LRBA: variants seen among roughly 807,000 people sequenced by gnomAD.
The protein encoded by LRBA is lipopolysaccharide-responsive and beige-like anchor protein.
LRBA carries 176 observed loss-of-function variants against 330.0 expected under a neutral mutation model. The observed-to-expected ratio is 0.53, with a 90% CI of 0.47 to 0.60. The LOEUF is 0.60. Among genes scored for constraint, LRBA ranks in the 20% least tolerant of loss-of-function variants. LRBA has a pLI of 0.00. For synonymous variants in LRBA, 1,230 were observed against 1,193.0 expected (o/e 1.03, Z -0.64); for missense variants, 3,259 against 3,444.8 (o/e 0.95, Z 1.35).
At chr4:150,946,405 G>A (rs529415366) in intron 2 of LRBA, among the ~76,000 whole-genome samples, 1 of 152,176 alleles carries the variant, frequency 6.6e-6, no homozygotes, top group East Asian at 1.9e-4. Flanking sequence ...GATATTGAAA[G>A]TATATGGAGT....
intron 36 of LRBA, among the ~76,000 whole-genome samples, chr4:150,690,483 T>C (rs542983888): frequency 5.1e-4 from 68 of 132,634 alleles, no homozygotes; most frequent in African/African-American, 1.7e-3. Context: ...AGCCTGGCAA[T>C]AGAGCAAGAC....
At chr4:150,666,174 T>A (rs1781538817) in intron 37 of LRBA, among the ~76,000 whole-genome samples, 1 of 152,172 alleles carries the variant, frequency 6.6e-6, no homozygotes, top group African/African-American at 2.4e-5. Context: ...AGGTTCTGCA[T>A]CTGCAGATTC....
intron 36 of LRBA, among the ~76,000 whole-genome samples, chr4:150,716,894 T>C (rs912047058): frequency 2.6e-5 from 4 of 152,334 alleles, no homozygotes; most frequent in Admixed American, 2.0e-4. Flanking sequence ...AAACCTGGGT[T>C]CTAATTCAGA....
chr4:150,962,857 G>A (rs531616280), intron 2 of LRBA, among the ~76,000 whole-genome samples: 1 of 147,536 alleles, frequency 6.8e-6, no homozygotes, highest in Non-Finnish European at 1.5e-5. Context: ...GGGAGGCTGA[G>A]GCAGAAGAAT....
chr4:150,384,149 C>T (rs1215262018), intron 47 of LRBA, among the ~76,000 whole-genome samples: 1 of 152,050 alleles, frequency 6.6e-6, no homozygotes, highest in Non-Finnish European at 1.5e-5. Flanking sequence ...AGCGATTCTC[C>T]TGCCTCAGTC....
intron 40 of LRBA, among the ~76,000 whole-genome samples, chr4:150,543,028 C>T (rs932994546): frequency 1.3e-5 from 2 of 152,078 alleles, no homozygotes; most frequent in Non-Finnish European, 2.9e-5. Flanking sequence ...CAAAATTCAC[C>T]AGTCCCCCAC....
intron 37 of LRBA, among the ~76,000 whole-genome samples, chr4:150,602,564 G>A (rs951026906): frequency 6.6e-6 from 1 of 151,860 alleles, no homozygotes; most frequent in Admixed American, 6.6e-5. Flanking sequence ...TCAGTATAAC[G>A]CTCTACCACA....
At chr4:151,004,764 T>C (rs924154841) in intron 2 of LRBA, among the ~76,000 whole-genome samples, 1 of 151,740 alleles carries the variant, frequency 6.6e-6, no homozygotes, top group Non-Finnish European at 1.5e-5. Flanking sequence ...GGCAGGTGGA[T>C]TGCCTGAGCT....
intron 37 of LRBA, among the ~76,000 whole-genome samples, chr4:150,628,018 T>C (rs914511345): frequency 6.6e-6 from 1 of 152,144 alleles, no homozygotes; most frequent in Admixed American, 6.5e-5. Context: ...TTTTTCGCCA[T>C]GTTAAGCTTT....
intron 2 of LRBA, among the ~76,000 whole-genome samples, chr4:151,010,926 G>A (rs1011571586): frequency 6.8e-5 from 10 of 147,584 alleles, no homozygotes; most frequent in South Asian, 2.2e-4. Context: ...AGTGGTTCAC[G>A]CCTGTAATCC....
intron 37 of LRBA, among the ~76,000 whole-genome samples, chr4:150,617,206 A>G (rs527420883): frequency 1.5e-4 from 23 of 152,368 alleles, no homozygotes; most frequent in African/African-American, 5.3e-4. Context: ...TGTTAATTTC[A>G]AGAACTAAAA....
chr4:150,644,100 C>T (rs116771961), intron 37 of LRBA, among the ~76,000 whole-genome samples: 2,089 of 151,854 alleles, frequency 0.014, 16 homozygotes, highest in Non-Finnish European at 0.023. Context: ...AAAAGAGAAA[C>T]GTAGACTTTA....
intron 34 of LRBA, among the ~76,000 whole-genome samples, chr4:150,778,988 C>T (rs138032234): frequency 0.014 from 2,168 of 152,264 alleles, 55 homozygotes; most frequent in African/African-American, 0.048. Flanking sequence ...ATGTTCTCAA[C>T]TATAATAAAA....
At chr4:150,266,540 A>G (rs187802231) in intron 56 of LRBA, among the ~76,000 whole-genome samples, 18 of 152,352 alleles carry the variant, frequency 1.2e-4, no homozygotes, top group African/African-American at 4.1e-4. Flanking sequence ...GGTTAGGACC[A>G]GCCCTTAGAA....
rs146096393 is a variant in LRBA, at chr4:150,934,490, G to A, written c.217-5425C>T. Reference sequence around the variant, plus strand: ...GTATGCCAGGCCCTGAGGAAATAGTGGAACAGTGATCAATAAGACAGAAAT... The same window carrying A: ...GTATGCCAGGCCCTGAGGAAATAGTAGAACAGTGATCAATAAGACAGAAAT... On this transcript the variant is annotated intron_variant, in intron 2 of 56. Coordinates refer to ENST00000651943, the MANE Select transcript of LRBA (RefSeq NM_001364905.1). 7.9e-5 allele frequency among the ~76,000 whole-genome samples: 12 copies of A among 152,274 alleles called. No homozygotes were observed. The East Asian group carries it at 2.1e-3, about 27-fold the overall frequency.
chr4:150,656,709 A>T (rs927263699), intron 37 of LRBA, among the ~76,000 whole-genome samples: 6 of 152,180 alleles, frequency 3.9e-5, no homozygotes, highest in Admixed American at 3.9e-4. Context: ...GGGCACTATA[A>T]TATTATACTA....
chr4:150,584,118 G>A (rs1771777873), intron 40 of LRBA: 3 of 1,512,864 alleles, frequency 2.0e-6, no homozygotes, highest in East Asian at 2.3e-5. Context: ...AGGGTGCTGG[G>A]GACTGCTTGA....
At chr4:150,450,531 C>T (rs749034766) in intron 44 of LRBA, among the ~76,000 whole-genome samples, 5 of 152,156 alleles carry the variant, frequency 3.3e-5, no homozygotes, top group Non-Finnish European at 2.9e-5. Flanking sequence ...CTTTATATGA[C>T]GTTTTCATAC....
intron 34 of LRBA, among the ~76,000 whole-genome samples, chr4:150,790,739 A>G (rs969997889): frequency 2.0e-5 from 3 of 152,226 alleles, no homozygotes; most frequent in African/African-American, 4.8e-5. Context: ...TCACAAGTCT[A>G]TACTTCCTTC....
Sources: gnomAD v4.1 joint callset for allele counts (sites outside exome capture counted in the v4.1 genomes callset) on GRCh38, gnomAD v4.1.1 for gene constraint, MANE v1.5 for transcripts, NCBI Gene and HGNC (gene_info 2026-07-23, HGNC 2026-07-21) for gene names.